Variants in PIEZO2 observed in about 807,000 individuals in gnomAD.
PIEZO2 encodes the protein piezo-type mechanosensitive ion channel component 2.
Under a neutral mutation model 337.3 loss-of-function variants are expected in PIEZO2, and 172 were observed. That is an observed-to-expected ratio of 0.51 (90% CI 0.45 to 0.58). PIEZO2 has a LOEUF of 0.58. Ranked by LOEUF, PIEZO2 falls within the 20% of genes least tolerant of loss-of-function variation. The pLI is 0.00. For synonymous variants in PIEZO2, 1,251 were observed against 1,228.5 expected (o/e 1.02, Z -0.38); for missense variants, 3,028 against 3,391.3 (o/e 0.89, Z 2.66).
chr18:10,681,787 C>A, intron 50 of PIEZO2, 34 bp from the exon 51 acceptor site: 2 of 1,504,124 alleles, frequency 1.3e-6, no homozygotes, highest in Non-Finnish European at 1.8e-6. Context: ...TGTCAATATT[C>A]CCCAGCTCTT....
chr18:10,720,279 A>G lies in PIEZO2; in HGVS notation c.5030-2020T>C, dbSNP rs191275196. On this transcript the variant is annotated intron_variant, in intron 36 of 55. Transcript: ENST00000674853. ...CCCAGGTAATATAAAGAGAGAATAC[A>G]TATATCATATGTATATTCTCTCTCT... Among the ~76,000 whole-genome samples, 605 of 131,262 alleles carry G rather than the reference A, an allele frequency of 4.6e-3. 28 individuals are homozygous for G. The highest frequency in any genetic ancestry group is 0.017 in the African/African-American group (577 of 34,474). The allele number at this position is 131,262 out of a possible 152,430, so 86.1% of individuals were successfully genotyped here.
rs191997787 is a variant in PIEZO2 at position 10,992,037 on chromosome 18, C to T, written c.161-12377G>A. ...GATGCATAAATGTCTTCTTTCTAGACGTGTCTGTTCATATCCTTTGCCCAC... is the reference window on the plus strand; with the variant it reads ...GATGCATAAATGTCTTCTTTCTAGATGTGTCTGTTCATATCCTTTGCCCAC... On this transcript the variant is annotated intron_variant, in intron 2 of 55. Coordinates refer to ENST00000674853, the MANE Select transcript of PIEZO2 (RefSeq NM_001378183.1). Among the ~76,000 whole-genome samples the T allele has an allele frequency of 4.7e-4, 71 of 152,164 alleles. No individual in the cohort carries two copies. In the South Asian group the frequency reaches 7.3e-3, roughly 16 times the overall value.
At chr18:10,725,182 C>G in intron 36 of PIEZO2, 1 of 1,536,156 alleles carries the variant, frequency 6.5e-7, no homozygotes. Context: ...GTTCATCCAT[C>G]AGGCAGTTGG....
chr18:11,034,285 A>T (rs67568198), intron 2 of PIEZO2, among the ~76,000 whole-genome samples: 17,544 of 150,646 alleles, frequency 0.12, 1,085 homozygotes, highest in Middle Eastern at 0.16. Context: ...TAAATGTATC[A>T]TTTCTTTTCT....
chr18:10,728,824 G>A (rs935635705), intron 36 of PIEZO2, among the ~76,000 whole-genome samples: 9 of 151,798 alleles, frequency 5.9e-5, no homozygotes, highest in Non-Finnish European at 1.3e-4. Context: ...GCATGGTGGC[G>A]GGCGCCTGTA....
intron 11 of PIEZO2, among the ~76,000 whole-genome samples, chr18:10,798,863 G>A (rs923020983): frequency 6.6e-6 from 1 of 151,372 alleles, no homozygotes; most frequent in Non-Finnish European, 1.5e-5. Flanking sequence ...GAACTTTCCA[G>A]TTTAAGCCTG....
chr18:10,801,814 C>T (rs1264715740), intron 9 of PIEZO2, among the ~76,000 whole-genome samples: 1 of 152,062 alleles, frequency 6.6e-6, no homozygotes, highest in South Asian at 2.1e-4. Flanking sequence ...GGGCTCGGCG[C>T]GGTAGCTCAC....
intron 1 of PIEZO2, among the ~76,000 whole-genome samples, chr18:11,095,139 A>C (rs894621625): frequency 1.3e-5 from 2 of 152,228 alleles, no homozygotes; most frequent in East Asian, 1.9e-4. Context: ...ACATGGAATG[A>C]GTGAAAATGG....
At position 11,035,667 on chromosome 18, in the gene PIEZO2, T is replaced by C. The variant is rs7232552; in HGVS notation, c.160+30460A>G. 9.7e-3 allele frequency among the ~76,000 whole-genome samples: 1,483 copies of C among 152,240 alleles called. 35 individuals carry two copies. The highest frequency in any genetic ancestry group is 0.034 in the African/African-American group (1,402 of 41,532). Reference sequence around the variant, plus strand: ...AGAGACCTCTAATATGCATAGGAAGTCACTCTTATCCCTGAAGAATGGACA... The same window carrying C: ...AGAGACCTCTAATATGCATAGGAAGCCACTCTTATCCCTGAAGAATGGACA... On this transcript the variant is annotated intron_variant, in intron 2 of 55. Transcript: ENST00000674853. This position sits in a 1 kb window ranked among gnomAD's most constrained non-coding sequence, Gnocchi z 4.3.
At position 10,704,381 on chromosome 18, in the gene PIEZO2, C is replaced by A. The variant is rs1055599491; in HGVS notation, c.6258+13G>T. On this transcript the variant is annotated intron_variant, in intron 42 of 55. Coordinates refer to ENST00000674853, the MANE Select transcript of PIEZO2 (RefSeq NM_001378183.1). The stretch of plus-strand genomic sequence containing the variant: ...GCCTGAAGCCATCCACAGGGGTCTG[C>A]GTCCAGGCCTACCTCAGTATAGACG... 6.5e-7 allele frequency: 1 copy of A among 1,536,336 alleles called. No individual in the cohort carries two copies. Among genetic ancestry groups the A allele is most frequent in the Non-Finnish European group, 8.7e-7 (1 of 1,146,634 alleles).
Position 10,672,603 on chromosome 18 carries a change from C to T in PIEZO2, c.8345+87G>A. On this transcript the variant is annotated intron_variant, in intron 55 of 55. Coordinates refer to ENST00000674853, the MANE Select transcript of PIEZO2 (RefSeq NM_001378183.1). This position sits in a 1 kb window ranked among gnomAD's most constrained non-coding sequence, Gnocchi z 4.7. ...ACTGCAGCTCTAAAATTAGCGAATT[C>T]TAAGAAGATAAAAGGCTTCCCACTC... is the stretch of plus-strand genomic sequence containing the variant. 1.3e-5 allele frequency: 18 copies of T among 1,431,944 alleles called. No homozygotes were observed. The highest frequency in any genetic ancestry group is 1.6e-5 in the Non-Finnish European group (17 of 1,048,162). 88.7% of individuals were successfully genotyped at this position (1,431,944 alleles called of 1,614,324 possible).
chr18:10,798,235 T>C (rs933461060), intron 11 of PIEZO2, among the ~76,000 whole-genome samples: 1 of 152,258 alleles, frequency 6.6e-6, no homozygotes, highest in African/African-American at 2.4e-5. Flanking sequence ...AAGTGTGTCA[T>C]ACTAAGTGCT....
intron 27 of PIEZO2, among the ~76,000 whole-genome samples, chr18:10,753,647 T>C (rs1197105219): frequency 2.0e-5 from 3 of 152,194 alleles, no homozygotes; most frequent in South Asian, 2.1e-4. Flanking sequence ...GGAAGAAACA[T>C]AGGAGAACCA....
At position 10,988,034 on chromosome 18, in the gene PIEZO2, T is replaced by A. The variant is rs1456315828; in HGVS notation, c.161-8374A>T. ...CTGAATGTGACCCCCAAAATTCATA[T>A]GTTGAAACTTAATTACCCAAGTGAT... On this transcript the variant is annotated intron_variant, in intron 2 of 55. Transcript: ENST00000674853. The surrounding 1 kb of genome is among the most constrained non-coding windows in gnomAD (Gnocchi z 4.8). Among the ~76,000 whole-genome samples, 1 of 152,124 alleles carries A rather than the reference T, an allele frequency of 6.6e-6. No individual in the cohort carries two copies. Among genetic ancestry groups the A allele is most frequent in the Non-Finnish European group, 1.5e-5 (1 of 67,998 alleles).
chr18:11,053,046 G>A (rs1219364157), intron 2 of PIEZO2, among the ~76,000 whole-genome samples: 1 of 152,188 alleles, frequency 6.6e-6, no homozygotes, highest in Non-Finnish European at 1.5e-5. Context: ...GCACCTGGGT[G>A]TCCTGCAGCT....
chr18:10,705,796 C>T (rs1382171654), intron 40 of PIEZO2, 50 bp from the exon 41 acceptor site: 3 of 1,458,676 alleles, frequency 2.1e-6, no homozygotes, highest in Non-Finnish European at 2.7e-6. Flanking sequence ...CATCCACACT[C>T]CTGGGGTTCT....
chr18:11,066,973 C>T (rs1281557270), intron 1 of PIEZO2, among the ~76,000 whole-genome samples: 4 of 152,114 alleles, frequency 2.6e-5, no homozygotes, highest in African/African-American at 9.7e-5. Context: ...CTATAAAATG[C>T]TTTATGCAAG....
At chr18:10,900,908 C>G (rs973929526) in intron 4 of PIEZO2, among the ~76,000 whole-genome samples, 2 of 152,194 alleles carry the variant, frequency 1.3e-5, no homozygotes, top group Non-Finnish European at 2.9e-5. Flanking sequence ...AGAGTTTTCC[C>G]TGGACCCATG....
chr18:10,684,255 T>G (rs1349917633), intron 49 of PIEZO2, among the ~76,000 whole-genome samples: 1 of 123,684 alleles, frequency 8.1e-6, no homozygotes, highest in Non-Finnish European at 1.6e-5. Flanking sequence ...AAGCTCCACC[T>G]CCTGGGTTCA....
Sources: gnomAD v4.1 joint callset for allele counts (sites outside exome capture counted in the v4.1 genomes callset) on GRCh38, gnomAD v4.1.1 for gene constraint, Gnocchi (gnomAD v3.1) non-coding constraint, MANE v1.5 for transcripts, NCBI Gene and HGNC (gene_info 2026-07-23, HGNC 2026-07-21) for gene names.